The following NKAIN2 variants were observed in gnomAD, a reference collection of about 807,000 sequenced individuals.
NKAIN2 encodes sodium/potassium transporting ATPase interacting 2, also known as sodium/potassium-transporting ATPase subunit beta-1-interacting protein 2.
Under a neutral mutation model 32.6 loss-of-function variants are expected in NKAIN2, and 14 were observed. That is an observed-to-expected ratio of 0.43 (90% CI 0.28 to 0.67). The LOEUF is 0.67. NKAIN2 is among the 30% of genes least tolerant of loss of function. The pLI is 0.17. For synonymous variants in NKAIN2, 80 were observed against 87.2 expected (o/e 0.92, Z 0.46); for missense variants, 198 against 258.3 (o/e 0.77, Z 1.60).
chr6:124,685,618 T>C (rs1329515257), intron 4 of NKAIN2, among the ~76,000 whole-genome samples: 1 of 152,188 alleles, frequency 6.6e-6, no homozygotes, highest in Non-Finnish European at 1.5e-5. Context: ...ATATTGGCTA[T>C]ATTATGAAAT....
At chr6:124,005,142 T>C (rs1484057644) in intron 1 of NKAIN2, among the ~76,000 whole-genome samples, 1 of 152,088 alleles carries the variant, frequency 6.6e-6, no homozygotes, top group East Asian at 1.9e-4. Flanking sequence ...GGAGAATCAC[T>C]TGAATCTGGG....
intron 4 of NKAIN2, among the ~76,000 whole-genome samples, chr6:124,760,273 A>G (rs1412060712): frequency 2.0e-5 from 3 of 151,834 alleles, no homozygotes; most frequent in Non-Finnish European, 4.4e-5. Flanking sequence ...GGGAGGAGGG[A>G]GAGCAGCAGA....
chr6:124,731,564 T>C (rs1480120917), intron 4 of NKAIN2, among the ~76,000 whole-genome samples: 1 of 74,122 alleles, frequency 1.3e-5, no homozygotes, highest in Non-Finnish European at 2.4e-5. Flanking sequence ...TGTTGTGGGG[T>C]GGGGGGAGGG....
rs530109889 is a variant in NKAIN2 at position 124,633,799 on chromosome 6, C to T, written c.274-24387C>T. 2.0e-5 allele frequency among the ~76,000 whole-genome samples: 3 copies of T among 152,304 alleles called. No homozygotes were observed. The East Asian group carries it at 5.8e-4, about 29-fold the overall frequency. On this transcript the variant is annotated intron_variant, in intron 3 of 6. Coordinates refer to ENST00000368417, the MANE Select transcript of NKAIN2 (RefSeq NM_001040214.3). ...TGGCACCTAGAGCCCGAGGACCAGT[C>T]CTCTGAGGGCCTACCTCTACTACCA...
intron 1 of NKAIN2, among the ~76,000 whole-genome samples, chr6:124,265,488 AAAT>A (rs1443056114): frequency 2.0e-5 from 3 of 152,222 alleles, no homozygotes; most frequent in Non-Finnish European, 4.4e-5. Context: ...AGAATTTTTA[AAAT>A]GGATACACTG....
intron 1 of NKAIN2, among the ~76,000 whole-genome samples, chr6:124,249,654 A>G (rs993697948): frequency 2.6e-5 from 4 of 152,158 alleles, no homozygotes; most frequent in African/African-American, 9.6e-5. Context: ...AAGGAATCCA[A>G]ACAGTACCAC....
chr6:124,402,466 G>C (rs1242141482), intron 3 of NKAIN2, among the ~76,000 whole-genome samples: 3 of 152,154 alleles, frequency 2.0e-5, no homozygotes, highest in East Asian at 3.9e-4. Context: ...CGATTTAACT[G>C]TTCTATTTGT....
At chr6:123,861,365 A>G (rs73770292) in intron 1 of NKAIN2, among the ~76,000 whole-genome samples, 1,899 of 152,326 alleles carry the variant, frequency 0.012, 38 homozygotes, top group African/African-American at 0.043. Context: ...TGTGTCCAAA[A>G]TTAATTCAGT....
At chr6:123,945,877 C>A (rs1777039342) in intron 1 of NKAIN2, among the ~76,000 whole-genome samples, 1 of 152,076 alleles carries the variant, frequency 6.6e-6, no homozygotes, top group African/African-American at 2.4e-5. Flanking sequence ...ATAAAGAAAT[C>A]CACTATGGAT....
At chr6:124,727,577 C>A (rs973716962) in intron 4 of NKAIN2, among the ~76,000 whole-genome samples, 22 of 152,038 alleles carry the variant, frequency 1.4e-4, no homozygotes, top group African/African-American at 1.9e-4. Flanking sequence ...TGGAAAGGAA[C>A]AACCCGTACC....
chr6:124,168,726 A>G (rs1265601482), intron 1 of NKAIN2, among the ~76,000 whole-genome samples: 2 of 152,030 alleles, frequency 1.3e-5, no homozygotes, highest in African/African-American at 4.8e-5. Flanking sequence ...TTGAAAGGAG[A>G]ATCAGTCATC....
At chr6:123,981,345 A>G (rs2114665444) in intron 1 of NKAIN2, among the ~76,000 whole-genome samples, 1 of 152,316 alleles carries the variant, frequency 6.6e-6, no homozygotes, top group South Asian at 2.1e-4. Flanking sequence ...CTGGAAAAAA[A>G]AAGCATCATA....
chr6:124,418,526 T>TTA (rs1774599808), intron 3 of NKAIN2, among the ~76,000 whole-genome samples: 1 of 147,582 alleles, frequency 6.8e-6, no homozygotes, highest in Non-Finnish European at 1.5e-5. Flanking sequence ...TATATATACT[T>TTA]TATAAACAAA....
chr6:124,133,758 A>T (rs1455961097), intron 1 of NKAIN2, among the ~76,000 whole-genome samples: 3 of 152,164 alleles, frequency 2.0e-5, no homozygotes, highest in Non-Finnish European at 4.4e-5. Context: ...AGACTCTATA[A>T]CTAAGGAACT....
chr6:124,110,202 C>G (rs1384790918), intron 1 of NKAIN2, among the ~76,000 whole-genome samples: 3 of 150,544 alleles, frequency 2.0e-5, no homozygotes, highest in African/African-American at 7.3e-5. Flanking sequence ...TGCAGTTTAT[C>G]CCAGGGATGT....
chr6:123,944,880 G>T (rs1776994611), intron 1 of NKAIN2, among the ~76,000 whole-genome samples: 1 of 151,928 alleles, frequency 6.6e-6, no homozygotes, highest in African/African-American at 2.4e-5. Context: ...TTACCCTGTG[G>T]GGGATTGATA....
intron 1 of NKAIN2, among the ~76,000 whole-genome samples, chr6:124,038,842 G>A (rs991639450): frequency 1.3e-5 from 2 of 152,010 alleles, no homozygotes; most frequent in African/African-American, 4.8e-5. Flanking sequence ...GTTATCAAAA[G>A]CAATTTCACA....
Position 124,823,307 on chromosome 6 carries a change from A to C in NKAIN2, c.*78A>C, listed in dbSNP as rs1781467135. ...CAGTGGCCTCCTGCATTTCATGAAGAGCAAGAAGCAACTGAGTTTAAATAC... is the reference window on the plus strand; with the variant it reads ...CAGTGGCCTCCTGCATTTCATGAAGCGCAAGAAGCAACTGAGTTTAAATAC... On this transcript the variant is annotated 3_prime_UTR_variant, in exon 7 of 7. Coordinates refer to ENST00000368417, the MANE Select transcript of NKAIN2 (RefSeq NM_001040214.3). The C allele has an allele frequency of 3.1e-6, 3 of 973,332 alleles. No homozygotes were observed. Among genetic ancestry groups the C allele is most frequent in the Non-Finnish European group, 5.0e-6 (3 of 594,528 alleles). 60.3% of individuals were successfully genotyped at this position (973,332 alleles called of 1,614,324 possible). A position where few individuals can be genotyped will look rare whatever the true frequency, so the allele number is the denominator to read the frequency against.
In NKAIN2 at chr6:124,540,954, T is replaced by C. The variant is rs527328907; in HGVS notation, c.274-117232T>C. 9.2e-5 allele frequency among the ~76,000 whole-genome samples: 14 copies of C among 152,274 alleles called. 1 individual carries two copies. In the South Asian group the frequency reaches 2.9e-3, roughly 32 times the overall value. On this transcript the variant is annotated intron_variant, in intron 3 of 6. Coordinates refer to ENST00000368417, the MANE Select transcript of NKAIN2 (RefSeq NM_001040214.3). ...CTGCATTTCTGCTTAAAATATCCCCTTTTCAACTTATCATGGGCTTATCAG... is the reference window on the plus strand; with the variant it reads ...CTGCATTTCTGCTTAAAATATCCCCCTTTCAACTTATCATGGGCTTATCAG...
Sources: gnomAD v4.1 joint callset for allele counts (sites outside exome capture counted in the v4.1 genomes callset) on GRCh38, gnomAD v4.1.1 for gene constraint, MANE v1.5 for transcripts, NCBI Gene and HGNC (gene_info 2026-07-23, HGNC 2026-07-21) for gene names.